The following ZNF644 variants were observed in gnomAD, a reference collection of about 807,000 sequenced individuals.
ZNF644 encodes the protein zinc finger motif enhancer binding protein 2.
In ZNF644, 20 loss-of-function variants were observed where a neutral mutation model predicts 108.0. The ratio of observed to expected loss-of-function variants is 0.19; its 90% CI spans 0.13 to 0.27. The LOEUF is 0.27. Ranked by LOEUF, ZNF644 falls within the 10% of genes least tolerant of loss-of-function variation. The probability of loss-of-function intolerance (pLI) is 1.00; values close to 1 mark genes in which losing one functional copy is unlikely to be tolerated. For missense variants in ZNF644, 1,338 were observed against 1,548.9 expected (o/e 0.86, Z 2.29); for synonymous variants, 542 against 539.1 (o/e 1.01, Z -0.08).
chr1:90,932,043 C>T (rs1473612873), intron 4 of ZNF644, among the ~76,000 whole-genome samples: 1 of 152,014 alleles, frequency 6.6e-6, no homozygotes, highest in Non-Finnish European at 1.5e-5. Flanking sequence ...TGTCGGTGAC[C>T]CCAGTAAAGA....
chr1:91,009,794 A>C (rs972397188), intron 1 of ZNF644, among the ~76,000 whole-genome samples: 3 of 152,228 alleles, frequency 2.0e-5, no homozygotes, highest in African/African-American at 7.2e-5. Context: ...TTTTTAAGAA[A>C]AAGGCATACC....
intron 1 of ZNF644, among the ~76,000 whole-genome samples, chr1:91,008,585 G>T (rs890244174): frequency 2.0e-5 from 3 of 152,156 alleles, no homozygotes; most frequent in Admixed American, 1.3e-4. Context: ...TGATAGTTCT[G>T]CTGTCATTCC....
At chr1:90,960,715 T>C (rs1654254398) in intron 2 of ZNF644, among the ~76,000 whole-genome samples, 1 of 152,070 alleles carries the variant, frequency 6.6e-6, no homozygotes, top group South Asian at 2.1e-4. Context: ...AATATCCTCT[T>C]AGTAAGACAC....
intron 1 of ZNF644, among the ~76,000 whole-genome samples, chr1:90,999,395 C>T (rs983619806): frequency 1.2e-4 from 18 of 152,142 alleles, no homozygotes; most frequent in African/African-American, 4.3e-4. Context: ...ATTCAACATT[C>T]TTAACAAAAA....
chr1:90,948,770 T>A (rs577548236), intron 2 of ZNF644, among the ~76,000 whole-genome samples: 2 of 152,198 alleles, frequency 1.3e-5, no homozygotes, highest in African/African-American at 4.8e-5. Flanking sequence ...TTGGGAAAAG[T>A]TGACCAACAG....
intron 1 of ZNF644, among the ~76,000 whole-genome samples, chr1:90,999,346 G>C (rs529368544): frequency 6.6e-6 from 1 of 152,240 alleles, no homozygotes; most frequent in South Asian, 2.1e-4. Flanking sequence ...TGGATCTCTC[G>C]GCAGAAACTC....
chr1:90,936,624 G>A (rs771466756), intron 4 of ZNF644, among the ~76,000 whole-genome samples: 10 of 152,086 alleles, frequency 6.6e-5, no homozygotes, highest in Non-Finnish European at 1.3e-4. Flanking sequence ...TCAACTTAGA[G>A]CTCTAATCAT....
intron 4 of ZNF644, 138 bp downstream of exon 4, chr1:90,937,347 A>C (rs1282478774): frequency 1.7e-6 from 2 of 1,176,988 alleles, no homozygotes; most frequent in African/African-American, 3.1e-5. Context: ...TAGAATAACC[A>C]ATCTGTGCTC....
At chr1:90,941,360 T>C in intron 2 of ZNF644, 51 bp from the exon 3 acceptor site, 3 of 1,491,872 alleles carry the variant, frequency 2.0e-6, no homozygotes, top group South Asian at 1.2e-5. Context: ...AAAAATACTA[T>C]TAGAATGTAT....
intron 4 of ZNF644, among the ~76,000 whole-genome samples, chr1:90,920,116 C>CA (rs1269898058): frequency 2.0e-5 from 3 of 151,922 alleles, no homozygotes; most frequent in African/African-American, 4.8e-5. Flanking sequence ...TCAGGGAACT[C>CA]AAAGAGTAAG....
At chr1:90,942,649 T>C (rs1377263297) in intron 2 of ZNF644, among the ~76,000 whole-genome samples, 1 of 152,198 alleles carries the variant, frequency 6.6e-6, no homozygotes, top group Admixed American at 6.5e-5. Context: ...AACAGTTTTG[T>C]TCCTATGAAA....
In ZNF644 at chr1:90,940,087, T is replaced by G; in HGVS notation, c.1267A>C (p.Lys423Gln). 6.2e-7 allele frequency: 1 copy of G among 1,614,090 alleles called. No individual in the cohort carries two copies. The highest frequency in any genetic ancestry group is 8.5e-7 in the Non-Finnish European group (1 of 1,179,962). Reference sequence around the variant, plus strand: ...TACATCATATGCCTGTGGAGGTGCTTCTTCTCCCTAAAATTCACATTGCAC... The same window carrying G: ...TACATCATATGCCTGTGGAGGTGCTGCTTCTCCCTAAAATTCACATTGCAC... The part of the protein sequence containing the change: ...TKCNVNFREK[K>Q]HLHRHMMYHL... Residue 423 changes from lysine (K) to glutamine (Q), a missense_variant, in exon 3 of 6, where the codon AAG (lysine) becomes CAG (glutamine). Physicochemically the swap from Lys to Gln is moderately conservative, Grantham distance 53. Coordinates refer to ENST00000337393, the MANE Select transcript of ZNF644 (RefSeq NM_201269.3).
At chr1:90,956,862 A>C (rs1394034297) in intron 2 of ZNF644, among the ~76,000 whole-genome samples, 3 of 152,162 alleles carry the variant, frequency 2.0e-5, no homozygotes, top group African/African-American at 7.2e-5. Context: ...CTAATTAAAA[A>C]AATTAAGTTG....
rs1181786485 is a variant in ZNF644, at chr1:90,938,260, T to C, written c.3082+12A>G. On this transcript the variant is annotated intron_variant, in intron 3 of 5. Transcript: ENST00000337393. The surrounding 1 kb of genome is among the most constrained non-coding windows in gnomAD (Gnocchi z 4.2). Reference sequence around the variant, plus strand: ...GACCTATCAGCCCAAATCATCCCCATGGAGAACTTACCTTTTCTAACTCGT... The same window carrying C: ...GACCTATCAGCCCAAATCATCCCCACGGAGAACTTACCTTTTCTAACTCGT... 1 of 1,613,964 alleles carries C rather than the reference T, an allele frequency of 6.2e-7. No individual in the cohort carries two copies. The highest frequency in any genetic ancestry group is 1.1e-5 in the South Asian group (1 of 91,080).
intron 2 of ZNF644, among the ~76,000 whole-genome samples, chr1:90,974,472 T>G (rs1655800912): frequency 6.6e-6 from 1 of 152,220 alleles, no homozygotes; most frequent in Non-Finnish European, 1.5e-5. Context: ...ACATCTAAAA[T>G]GTAGCTCTTG....
intron 2 of ZNF644, among the ~76,000 whole-genome samples, chr1:90,955,548 C>T (rs1393507620): frequency 6.6e-6 from 1 of 152,238 alleles, no homozygotes; most frequent in Non-Finnish European, 1.5e-5. Context: ...GCACTTGCTG[C>T]ATCACTTTGA....
At position 90,938,101 on chromosome 1, in the gene ZNF644, A is replaced by T. The variant is rs534688552; in HGVS notation, c.3083-11T>A. ...CAGACTTCTCTATAGCTAGAAAAAA[A>T]TTTTTAAGAGTAATATCAGACTTTC... On this transcript the variant is annotated splice_polypyrimidine_tract_variant and intron_variant, in intron 3 of 5. Coordinates refer to ENST00000337393, the MANE Select transcript of ZNF644 (RefSeq NM_201269.3). The surrounding 1 kb of genome is among the most constrained non-coding windows in gnomAD (Gnocchi z 4.2). The T allele has an allele frequency of 1.3e-5, 21 of 1,610,844 alleles. 1 individual carries two copies. The highest frequency in any genetic ancestry group is 8.8e-5 in the South Asian group (8 of 90,946).
chr1:90,932,605 A>G (rs551621423), intron 4 of ZNF644, among the ~76,000 whole-genome samples: 1 of 152,322 alleles, frequency 6.6e-6, no homozygotes, highest in East Asian at 1.9e-4. Flanking sequence ...ACACTGCTTT[A>G]TAACAGTGAT....
intron 1 of ZNF644, among the ~76,000 whole-genome samples, chr1:91,005,768 A>G (rs1317804607): frequency 6.6e-6 from 1 of 152,182 alleles, no homozygotes; most frequent in African/African-American, 2.4e-5. Flanking sequence ...GGGATGAAGT[A>G]AACGCAATGC....
Sources: gnomAD v4.1 joint callset for allele counts (sites outside exome capture counted in the v4.1 genomes callset) on GRCh38, gnomAD v4.1.1 for gene constraint, Gnocchi (gnomAD v3.1) non-coding constraint, MANE v1.5 for transcripts, NCBI Gene and HGNC (gene_info 2026-07-23, HGNC 2026-07-21) for gene names.